The following UPF3A variants were observed in gnomAD, a reference collection of about 807,000 sequenced individuals.
The protein encoded by UPF3A is regulator of nonsense transcripts 3A.
Under a neutral mutation model 53.5 loss-of-function variants are expected in UPF3A, and 42 were observed. The observed-to-expected ratio is 0.78, with a 90% confidence interval of 0.61 to 1.01. UPF3A has a LOEUF of 1.01. Among genes scored for constraint, UPF3A ranks in the 50% least tolerant of loss-of-function variants. The probability of loss-of-function intolerance (pLI) is 0.00; values close to 1 mark genes in which losing one functional copy is unlikely to be tolerated. For missense variants in UPF3A, 575 were observed against 598.0 expected (o/e 0.96, Z 0.40); for synonymous variants, 237 against 225.3 (o/e 1.05, Z -0.47).
intron 9 of UPF3A, among the ~76,000 whole-genome samples, chr13:114,303,446 C>A (rs953475480): frequency 6.6e-6 from 1 of 152,176 alleles, no homozygotes; most frequent in African/African-American, 2.4e-5. Context: ...CTTCTAAGGT[C>A]AGGCTCCATG....
intron 9 of UPF3A, among the ~76,000 whole-genome samples, chr13:114,304,268 C>G (rs2086846226): frequency 2.0e-5 from 3 of 152,374 alleles, no homozygotes; most frequent in South Asian, 4.1e-4. Flanking sequence ...CTGTTGCCTT[C>G]TTCAGGCCCT....
rs374697766 is a variant in UPF3A at position 114,288,383 on chromosome 13, C to T, written c.631+1754C>T. On this transcript the variant is annotated intron_variant, in intron 5 of 9. Transcript: ENST00000375299. ...GTGGTGGAGCTGGAGCTGAGACTGG[C>T]TGCGGGAGGGAAAGAGGTCAGGAGA... is the stretch of plus-strand genomic sequence containing the variant. Among the ~76,000 whole-genome samples, 7 of 152,256 alleles carry T rather than the reference C, an allele frequency of 4.6e-5. No individual in the cohort carries two copies. In the South Asian group the frequency reaches 1.4e-3, roughly 32 times the overall value.
chr13:114,296,283 T>C (rs1307771444), intron 7 of UPF3A, among the ~76,000 whole-genome samples: 3 of 152,114 alleles, frequency 2.0e-5, no homozygotes, highest in Non-Finnish European at 4.4e-5. Context: ...CTCAGGAGGC[T>C]GAGGCAGAAG....
chr13:114,302,928 CCT>C (rs1187172481), intron 9 of UPF3A, among the ~76,000 whole-genome samples: 3 of 152,174 alleles, frequency 2.0e-5, no homozygotes, highest in Non-Finnish European at 4.4e-5. Flanking sequence ...ATGGCGAAAC[CCT>C]GTCTCTACTA....
chr13:114,286,183 A>C, intron 3 of UPF3A, 119 bp from the exon 4 acceptor site: 5 of 1,220,174 alleles, frequency 4.1e-6, no homozygotes, highest in Non-Finnish European at 5.7e-6. Flanking sequence ...TTATAGTTTA[A>C]ATAGTAATAA....
In UPF3A at chr13:114,291,530, A is replaced by G. The variant is rs1443388197; in HGVS notation, c.673A>G (p.Lys225Glu). Residue 225 changes from lysine to glutamate, a missense_variant, in exon 6 of 10, where the codon AAA becomes GAA. By Grantham distance (56) the Lys-to-Glu change is moderately conservative. This residue lies in a region of UPF3A where 323 missense variants were observed against 415.2 expected (regional missense o/e 0.78). Coordinates refer to ENST00000375299, the MANE Select transcript of UPF3A (RefSeq NM_023011.4). Reference protein sequence around the residue: ...TPLLEYIKNRKLEKQRIREEK... With the variant: ...TPLLEYIKNRELEKQRIREEK... ...TCTTTTGGAATATATTAAAAATAGAAAATTAGAAAAGCAGGTAGGTCTGGC... is the reference window on the plus strand; with the variant it reads ...TCTTTTGGAATATATTAAAAATAGAGAATTAGAAAAGCAGGTAGGTCTGGC... 6.2e-7 allele frequency: 1 copy of G among 1,609,492 alleles called. No individual in the cohort carries two copies. The highest frequency in any genetic ancestry group is 8.5e-7 in the Non-Finnish European group (1 of 1,178,908).
At chr13:114,298,246 G>A (rs1415055934) in intron 7 of UPF3A, among the ~76,000 whole-genome samples, 9 of 151,894 alleles carry the variant, frequency 5.9e-5, no homozygotes, top group African/African-American at 9.7e-5. Context: ...GGTGGTGGGC[G>A]CCTGTAATCC....
At position 114,281,836 on chromosome 13, in the gene UPF3A, C is replaced by T. The variant is rs1327993916; in HGVS notation, c.197C>T (p.Ala66Val). 1.2e-5 allele frequency: 19 copies of T among 1,535,020 alleles called. No homozygotes were observed. Among genetic ancestry groups the T allele is most frequent in the Non-Finnish European group, 1.6e-5 (18 of 1,139,588 alleles). ...AGKPREEKRTALSKVVIRRLP... is the reference protein window; with the variant it reads ...AGKPREEKRTVLSKVVIRRLP... ...AAACCTCGCGAGGAGAAGAGGACGG[C>T]CCTGAGCAAGGTGGGGACGGGGGCG... is the stretch of plus-strand genomic sequence containing the variant. The change falls in exon 1 of 10, where the codon GCC becomes GTC. Residue 66 changes from alanine (A) to valine (V), a missense_variant. Around this residue, in one of 2 missense-constraint regions of UPF3A, gnomAD observed 252 missense variants for 182.7 expected, o/e 1.38. Transcript: ENST00000375299.
At chr13:114,286,095 A>T in intron 3 of UPF3A, 1 of 576,660 alleles carries the variant, frequency 1.7e-6, no homozygotes, top group African/African-American at 1.9e-5. Context: ...TTGCCGTGTT[A>T]AGGTTGCAGG....
At chr13:114,284,976 G>C (rs1317271361) in intron 3 of UPF3A, 3 of 152,234 alleles carry the variant, frequency 2.0e-5, no homozygotes, top group Non-Finnish European at 4.4e-5. Flanking sequence ...TCTGGCCTAA[G>C]CCTGTGCTTT....
chr13:114,288,764 G>T (rs2139201544), intron 5 of UPF3A, among the ~76,000 whole-genome samples: 1 of 152,272 alleles, frequency 6.6e-6, no homozygotes, highest in Non-Finnish European at 1.5e-5. Context: ...TAAGACTCCA[G>T]TGCTTGGCTT....
intron 7 of UPF3A, among the ~76,000 whole-genome samples, chr13:114,293,377 C>T (rs2085510610): frequency 6.6e-6 from 1 of 151,278 alleles, no homozygotes; most frequent in African/African-American, 2.4e-5. Flanking sequence ...GAGCAAGACT[C>T]TGTCTTAAAA....
intron 7 of UPF3A, 52 bp downstream of exon 7, chr13:114,291,844 T>G (rs2085302948): frequency 1.3e-6 from 2 of 1,509,932 alleles, no homozygotes. Flanking sequence ...GCTATAGTAA[T>G]TACACTTTTT....
chr13:114,284,911 C>T (rs2084523507), intron 3 of UPF3A, among the ~76,000 whole-genome samples: 1 of 152,232 alleles, frequency 6.6e-6, no homozygotes. Context: ...ACATTGGCCT[C>T]CCAAAGTGCT....
chr13:114,293,910 C>T lies in UPF3A; in HGVS notation c.846+2118C>T, dbSNP rs570347445. ...ACCAGGGCAGGTGGATTGCTCTAGC[C>T]CAGGAGGTCAAGACCAGCCTGGGCA... On this transcript the variant is annotated intron_variant, in intron 7 of 9. Transcript: ENST00000375299. Among the ~76,000 whole-genome samples, 53 of 152,076 alleles carry T rather than the reference C, an allele frequency of 3.5e-4. 1 individual carries two copies. Among genetic ancestry groups the T allele is most frequent in the African/African-American group, 1.2e-3 (51 of 41,486 alleles).
chr13:114,287,435 C>G (rs1183093639), intron 5 of UPF3A: 1 of 151,722 alleles, frequency 6.6e-6, no homozygotes, highest in African/African-American at 2.4e-5. Flanking sequence ...ACTAAAGATA[C>G]AAAAAATTAG....
chr13:114,289,940 C>T (rs535630677), intron 5 of UPF3A, among the ~76,000 whole-genome samples: 1 of 152,362 alleles, frequency 6.6e-6, no homozygotes, highest in East Asian at 1.9e-4. Context: ...AGCCTCCCCA[C>T]ACATCCAGGT....
chr13:114,281,625 G>A lies in UPF3A; in HGVS notation c.-15G>A. 3.5e-6 allele frequency: 5 copies of A among 1,422,870 alleles called. No individual in the cohort carries two copies. The highest frequency in any genetic ancestry group is 2.9e-5 in the East Asian group (1 of 34,548). 88.1% of individuals were successfully genotyped at this position (1,422,870 alleles called of 1,614,324 possible). A position where few individuals can be genotyped will look rare whatever the true frequency, so the allele number is the denominator to read the frequency against. ...CGTCGGGGGCTGGCGGCTGCGGCTC[G>A]GCGGAGAGTGCGGCATGCGCTCGGA... On this transcript the variant is annotated 5_prime_UTR_variant, in exon 1 of 10. Transcript: ENST00000375299.
intron 3 of UPF3A, chr13:114,283,646 TATG>T (rs1304764343): frequency 5.9e-6 from 3 of 504,656 alleles, no homozygotes; most frequent in East Asian, 3.0e-4. Context: ...CTGTACCATT[TATG>T]ATAATGTCAC....
Sources: allele counts gnomAD v4.1 joint callset (sites outside exome capture counted in the v4.1 genomes callset), GRCh38; gene constraint gnomAD v4.1.1; regional missense constraint gnomAD v4.1.1; transcripts MANE v1.5; gene names NCBI Gene and HGNC (gene_info 2026-07-23, HGNC 2026-07-21).